BAZ2A: variants seen among roughly 807,000 people sequenced by gnomAD.
The protein encoded by BAZ2A is bromodomain adjacent to zinc finger domain protein 2A.
Under a neutral mutation model 199.9 loss-of-function variants are expected in BAZ2A, and 34 were observed. The ratio of observed to expected loss-of-function variants is 0.17; its 90% CI spans 0.13 to 0.23. BAZ2A has a LOEUF of 0.23. Among genes scored for constraint, BAZ2A ranks in the 10% least tolerant of loss-of-function variants. The pLI, the probability that BAZ2A is intolerant of heterozygous loss-of-function variation, is 1.00. For synonymous variants in BAZ2A, 857 were observed against 883.9 expected (o/e 0.97, Z 0.54); for missense variants, 2,002 against 2,391.1 (o/e 0.84, Z 3.39).
chr12:56,636,152 G>A (rs751157084), intron 1 of BAZ2A: 3 of 1,581,630 alleles, frequency 1.9e-6, no homozygotes, highest in Non-Finnish European at 2.6e-6. Context: ...CATCCCTCAG[G>A]CCTTCCCCGG....
At chr12:56,606,119 C>T (rs1322159276) in intron 12 of BAZ2A, 56 bp from the exon 13 acceptor site, 3 of 1,553,298 alleles carry the variant, frequency 1.9e-6, no homozygotes, top group Non-Finnish European at 2.6e-6. Flanking sequence ...CACTATCCTT[C>T]CCTGGTCCCA....
chr12:56,602,286 T>C (rs1164116940), intron 19 of BAZ2A, 94 bp from the exon 20 acceptor site: 1 of 1,121,202 alleles, frequency 8.9e-7, no homozygotes, highest in South Asian at 1.7e-5. Context: ...TCTTTTTCTC[T>C]TGGACTTAGT....
At chr12:56,599,445 C>T in intron 26 of BAZ2A, 87 bp from the exon 27 acceptor site, 2 of 1,422,964 alleles carry the variant, frequency 1.4e-6, no homozygotes, top group East Asian at 2.5e-5. Flanking sequence ...TGATTTAAGG[C>T]TTCAAAATAC....
At chr12:56,616,557 G>C (rs983384367) in intron 2 of BAZ2A, among the ~76,000 whole-genome samples, 2 of 152,144 alleles carry the variant, frequency 1.3e-5, no homozygotes, top group Admixed American at 1.3e-4. Context: ...GTAGAATTCA[G>C]CTCTCATCAT....
chr12:56,606,986 C>G (rs887140483), intron 10 of BAZ2A, among the ~76,000 whole-genome samples: 9 of 152,054 alleles, frequency 5.9e-5, no homozygotes, highest in Non-Finnish European at 1.0e-4. Context: ...TGGCTCCAAT[C>G]AGACTGCTTT....
At chr12:56,628,311 C>T (rs1175193233) in intron 1 of BAZ2A, among the ~76,000 whole-genome samples, 1 of 151,410 alleles carries the variant, frequency 6.6e-6, no homozygotes, top group Non-Finnish European at 1.5e-5. Context: ...GGGGACATAG[C>T]ACACAGTCCA....
intron 15 of BAZ2A, 144 bp from the exon 16 acceptor site, chr12:56,604,435 G>C: frequency 7.8e-7 from 1 of 1,284,006 alleles, no homozygotes; most frequent in Non-Finnish European, 1.1e-6. Flanking sequence ...CTCTCCCAGG[G>C]AGGGCACTGC....
upstream of BAZ2A, chr12:56,635,007 G>T: frequency 1.0e-6 from 1 of 984,620 alleles, no homozygotes. The surrounding 1 kb of genome is among the most constrained non-coding windows in gnomAD (Gnocchi z 4.1). Context: ...GCCGAGCCGG[G>T]CGGCGGCTGC....
In BAZ2A at chr12:56,601,090, A is replaced by T. The variant is rs1284984600; in HGVS notation, c.4303T>A (p.Ser1435Thr). 4 of 1,613,360 alleles carry T rather than the reference A, an allele frequency of 2.5e-6. No individual in the cohort carries two copies. Among genetic ancestry groups the T allele is most frequent in the Non-Finnish European group, 3.4e-6 (4 of 1,179,624 alleles). The change falls in exon 22 of 29, where the codon TCA becomes ACA. Residue 1435 changes from serine to threonine, a missense_variant. Around this residue, in one of 6 missense-constraint regions of BAZ2A, gnomAD observed 1,081 missense variants for 1,274.7 expected, o/e 0.85. Coordinates refer to ENST00000549884, the MANE Select transcript of BAZ2A (RefSeq NM_001300905.2). ...TAQPVPPEMC[S>T]GWWWIRDPEM... ...GGATCTCGTATCCACCACCAGCCTG[A>T]GCACATCTCTGTGAGCAGATGAGAT...
intron 16 of BAZ2A, 145 bp from the exon 17 acceptor site, chr12:56,603,845 T>C (rs1950259383): frequency 1.1e-6 from 1 of 929,042 alleles, no homozygotes; most frequent in Non-Finnish European, 1.6e-6. Context: ...AAACCCTGTC[T>C]CTACTAAAAA....
At chr12:56,618,854 G>C (rs1950812437) in intron 1 of BAZ2A, among the ~76,000 whole-genome samples, 2 of 151,736 alleles carry the variant, frequency 1.3e-5, no homozygotes, top group African/African-American at 4.8e-5. Flanking sequence ...TGGGCGACAA[G>C]AGTGAAACTC....
chr12:56,609,516 T>C (rs1950492720), intron 10 of BAZ2A, among the ~76,000 whole-genome samples: 1 of 152,070 alleles, frequency 6.6e-6, no homozygotes, highest in Non-Finnish European at 1.5e-5. Flanking sequence ...CAGCCCAAGG[T>C]TTCACTGGTA....
In BAZ2A at chr12:56,615,620, G is replaced by A. The variant is rs773301840; in HGVS notation, c.137-13C>T. On this transcript the variant is annotated splice_polypyrimidine_tract_variant and intron_variant, in intron 2 of 28. Transcript: ENST00000549884. Reference sequence around the variant, plus strand: ...TCCCCATTCAAACCTGGCAGAGAAAGAAAGAAAAGGTCAGTTACAGATATG... The same window carrying A: ...TCCCCATTCAAACCTGGCAGAGAAAAAAAGAAAAGGTCAGTTACAGATATG... The A allele has an allele frequency of 2.6e-6, 4 of 1,559,106 alleles. No homozygotes were observed. The South Asian group carries it at 3.5e-5, about 14-fold the overall frequency.
upstream of BAZ2A, among the ~76,000 whole-genome samples, chr12:56,637,423 A>G (rs1565846097): frequency 1.3e-5 from 2 of 152,230 alleles, no homozygotes; most frequent in Admixed American, 1.3e-4. Flanking sequence ...CTGGACTTTC[A>G]TAAGGGGATC....
Position 56,612,246 on chromosome 12 carries a change from T to C in BAZ2A, c.1136A>G (p.Asp379Gly), listed in dbSNP as rs780047778. Residue 379 changes from aspartate (D) to glycine (G), a missense_variant and splice_region_variant, in exon 6 of 29, where the codon GAT (aspartate) becomes GGT (glycine). Transcript: ENST00000549884. ...PPVLGESVLQ[D>G]NSFDLNNGSD... is the part of the protein sequence containing the mutation. ...ACCATTATTCAGGTCAAAGCTGTTA[T>C]CTAGAATCCAAAGGGACAGGATAGG... 8.1e-6 allele frequency: 13 copies of C among 1,610,836 alleles called. No homozygotes were observed. Among genetic ancestry groups the C allele is most frequent in the Middle Eastern group, 1.7e-4 (1 of 6,024 alleles).
In BAZ2A at chr12:56,604,361, G is replaced by C; in HGVS notation, c.2964-70C>G. ...GGGAAAGGAGGCTCAAGGGTAAAGG[G>C]GCTGCAGCTGAAAAAGGAGTTCCAG... On this transcript the variant is annotated intron_variant, in intron 15 of 28. Transcript: ENST00000549884. 9 of 1,474,408 alleles carry C rather than the reference G, an allele frequency of 6.1e-6. No individual in the cohort carries two copies. The South Asian group carries it at 7.2e-5, about 12-fold the overall frequency. The allele number at this position is 1,474,408 out of a possible 1,614,324, so 91.3% of individuals were successfully genotyped here. A position where few individuals can be genotyped will look rare whatever the true frequency, so the allele number is the denominator to read the frequency against.
At chr12:56,629,322 G>A (rs978537990) in intron 1 of BAZ2A, among the ~76,000 whole-genome samples, 2 of 152,166 alleles carry the variant, frequency 1.3e-5, no homozygotes, top group Non-Finnish European at 1.5e-5. Context: ...TATTGACATT[G>A]CCTTCTCCTG....
chr12:56,613,897 G>A lies in BAZ2A; in HGVS notation c.916+56C>T, dbSNP rs1950636168. 4 of 1,530,128 alleles carry A rather than the reference G, an allele frequency of 2.6e-6. No homozygotes were observed. In the South Asian group the frequency reaches 4.7e-5, roughly 18 times the overall value. The allele number at this position is 1,530,128 out of a possible 1,614,324, so 94.8% of individuals were successfully genotyped here. A position where few individuals can be genotyped will look rare whatever the true frequency, so the allele number is the denominator to read the frequency against. On this transcript the variant is annotated intron_variant, in intron 4 of 28. Coordinates refer to ENST00000549884, the MANE Select transcript of BAZ2A (RefSeq NM_001300905.2). ...TTTCCCATTTTACTGTCTCTTTCAG[G>A]TAAAGTTTGGCTACTCTGCATGGAT...
At chr12:56,638,204 C>A, upstream of BAZ2A, 2 of 881,070 alleles carry the variant, frequency 2.3e-6, no homozygotes, top group Non-Finnish European at 1.8e-6. Flanking sequence ...TATTGGAAAC[C>A]TTAAATACTG....
Sources: allele counts gnomAD v4.1 joint callset (sites outside exome capture counted in the v4.1 genomes callset), GRCh38; gene constraint gnomAD v4.1.1; regional missense constraint gnomAD v4.1.1; non-coding constraint Gnocchi (gnomAD v3.1); transcripts MANE v1.5; gene names NCBI Gene and HGNC (gene_info 2026-07-23, HGNC 2026-07-21).